Variants in ANKRD26 observed in about 807,000 individuals in gnomAD.
ANKRD26 encodes ankyrin repeat domain-containing protein 26.
ANKRD26 carries 141 observed loss-of-function variants against 208.7 expected under a neutral mutation model. The ratio of observed to expected loss-of-function variants is 0.68; its 90% CI spans 0.59 to 0.78. The LOEUF (loss-of-function observed/expected upper bound fraction) is 0.78, where lower values mean the gene tolerates loss of function less well. ANKRD26 is among the 30% of genes least tolerant of loss of function. ANKRD26 has a pLI of 0.00. For synonymous variants in ANKRD26, 636 were observed against 660.4 expected, an observed-to-expected ratio of 0.96 and a Z score of 0.57; for missense variants, 1,889 against 1,938.7, an observed-to-expected ratio of 0.97 and a Z score of 0.48.
chr10:27,017,703 T>C lies in ANKRD26; in HGVS notation c.4305A>G (p.Leu1435=), dbSNP rs975527692. The change falls in exon 30 of 34, where the codon TTA becomes TTG. Residue 1435 remains leucine (L), a synonymous_variant. Transcript: ENST00000376087. The part of the protein sequence containing the change: ...TKNQILQEEL[L]SMKTVQKKCE... ...ATTTCTTTTGTACTGTTTTCATAGATAACAACTCCTCTTGAAGAATTTGGT... is the reference window on the plus strand; with the variant it reads ...ATTTCTTTTGTACTGTTTTCATAGACAACAACTCCTCTTGAAGAATTTGGT... 2 of 1,613,124 alleles carry C rather than the reference T, an allele frequency of 1.2e-6. No homozygotes were observed. Among genetic ancestry groups the C allele is most frequent in the Non-Finnish European group, 1.7e-6 (2 of 1,179,700 alleles).
chr10:27,060,562 T>C (rs1226106508), intron 13 of ANKRD26, 22 bp from the exon 14 acceptor site: 16 of 1,460,520 alleles, frequency 1.1e-5, no homozygotes, highest in Non-Finnish European at 1.5e-5. Context: ...AAGGGACATA[T>C]AATCAATTAT....
chr10:27,067,420 A>G, intron 9 of ANKRD26, 134 bp from the exon 10 acceptor site: 1 of 1,044,336 alleles, frequency 9.6e-7, no homozygotes, highest in Non-Finnish European at 1.3e-6. Flanking sequence ...ATGGGGGCAT[A>G]GTTTTTTTTT....
At chr10:27,018,818 C>T (rs1232531010) in intron 29 of ANKRD26, among the ~76,000 whole-genome samples, 1 of 152,018 alleles carries the variant, frequency 6.6e-6, no homozygotes, top group Non-Finnish European at 1.5e-5. Flanking sequence ...CTATCGAACA[C>T]CATATACTAA....
chr10:26,955,100 G>A, the ANKRD26 span, among the ~76,000 whole-genome samples: 1 of 151,622 alleles, frequency 6.6e-6, no homozygotes, highest in Non-Finnish European at 1.5e-5. Flanking sequence ...TACTATACTT[G>A]TAATTCTATA....
At chr10:27,032,301 C>A (rs940102196) in intron 25 of ANKRD26, among the ~76,000 whole-genome samples, 1 of 151,998 alleles carries the variant, frequency 6.6e-6, no homozygotes, top group African/African-American at 2.4e-5. Context: ...GAATTCGAGA[C>A]CAGCCTGGCC....
chr10:27,083,093 A>C (rs751493269), intron 5 of ANKRD26, among the ~76,000 whole-genome samples: 25 of 152,124 alleles, frequency 1.6e-4, no homozygotes, highest in Non-Finnish European at 3.1e-4. Context: ...GCTTGTGCAC[A>C]ACCTGGAAAC....
chr10:27,029,323 C>A lies in ANKRD26; in HGVS notation c.3841G>T (p.Val1281Phe). The change falls in exon 26 of 34, where the codon GTC becomes TTC. Residue 1281 changes from valine to phenylalanine, a missense_variant. Physicochemically the swap from Val to Phe is conservative, Grantham distance 50. Around this residue, in one of 3 missense-constraint regions of ANKRD26, gnomAD observed 613 missense variants for 648.2 expected, o/e 0.95. Coordinates refer to ENST00000376087, the MANE Select transcript of ANKRD26 (RefSeq NM_014915.3). ...TCTTGCATCTTCTCAGCACATCTGA[C>A]AGCTTCTGTATGTCGATCCTGTGCT... ...QEAQDRHTEAVRCAEKMQDHK... is the reference protein window; with the variant it reads ...QEAQDRHTEAFRCAEKMQDHK... The A allele has an allele frequency of 6.2e-7, 1 of 1,612,948 alleles. No homozygotes were observed. The highest frequency in any genetic ancestry group is 1.3e-5 in the African/African-American group (1 of 75,038).
chr10:27,096,159 C>T (rs1359703837), intron 1 of ANKRD26, among the ~76,000 whole-genome samples: 1 of 152,184 alleles, frequency 6.6e-6, no homozygotes, highest in African/African-American at 2.4e-5. Context: ...ATACCTGCTT[C>T]CAGAAGTGCA....
chr10:27,066,810 A>AAT (rs1564407241), intron 10 of ANKRD26, among the ~76,000 whole-genome samples: 5 of 143,944 alleles, frequency 3.5e-5, no homozygotes, highest in African/African-American at 5.1e-5. Context: ...CTTAGAATAG[A>AAT]TTTTTTTTTT....
Position 27,060,524 on chromosome 10 carries a change from A to G in ANKRD26, c.1479T>C (p.Tyr493=). Residue 493 remains tyrosine, a synonymous_variant, in exon 14 of 34, where the codon TAT becomes TAC. Coordinates refer to ENST00000376087, the MANE Select transcript of ANKRD26 (RefSeq NM_014915.3). The stretch of plus-strand genomic sequence containing the variant: ...TAAAACTTATTACCTTCAAGTGAAG[A>G]TATCTCTCAGGAGACTCTAAAAACC... The part of the protein sequence containing the change: ...PVAHMESPER[Y]LHLKPTIEMK... The G allele has an allele frequency of 6.5e-7, 1 of 1,545,218 alleles. No homozygotes were observed. Among genetic ancestry groups the G allele is most frequent in the Non-Finnish European group, 8.9e-7 (1 of 1,120,946 alleles).
intron 11 of ANKRD26, 89 bp downstream of exon 11, chr10:27,066,389 TATGCAGAGG>T: frequency 1.2e-6 from 1 of 803,350 alleles, no homozygotes; most frequent in Non-Finnish European, 2.0e-6. Context: ...CTTATGGATG[TATGCAGAGG>T]TAAAAAAGTC....
chr10:27,078,937 A>T, intron 7 of ANKRD26, 152 bp downstream of exon 7: 1 of 521,894 alleles, frequency 1.9e-6, no homozygotes, highest in South Asian at 3.2e-5. Context: ...AAAGAATTCA[A>T]CTGGCCATAT....
intron 20 of ANKRD26, among the ~76,000 whole-genome samples, chr10:27,040,592 T>C (rs1443501409): frequency 6.6e-6 from 1 of 152,156 alleles, no homozygotes; most frequent in Non-Finnish European, 1.5e-5. Flanking sequence ...CAGCGTGTGC[T>C]GAGGCTCTAC....
intron 23 of ANKRD26, among the ~76,000 whole-genome samples, chr10:27,036,632 CTTATCACTAAA>C (rs2054054538): frequency 6.6e-6 from 1 of 152,058 alleles, no homozygotes. Flanking sequence ...GAACAAAATA[CTTATCACTAAA>C]TTATCACTAA....
In ANKRD26 at chr10:27,078,976, T is replaced by C. The variant is rs931111019; in HGVS notation, c.813+113A>G. On this transcript the variant is annotated intron_variant, in intron 7 of 33. Transcript: ENST00000376087. Reference sequence around the variant, plus strand: ...TATAAAATGGCTTCCCCTGACCACCTTTCCATTACAAACAGAAAACAATGA... The same window carrying C: ...TATAAAATGGCTTCCCCTGACCACCCTTCCATTACAAACAGAAAACAATGA... The C allele has an allele frequency of 1.2e-5, 10 of 806,130 alleles. No homozygotes were observed. The South Asian group carries it at 1.7e-4, about 14-fold the overall frequency. 49.9% of individuals were successfully genotyped at this position (806,130 alleles called of 1,614,324 possible). A position where few individuals can be genotyped will look rare whatever the true frequency, so the allele number is the denominator to read the frequency against.
chr10:27,091,448 T>C (rs1295679952), intron 4 of ANKRD26, among the ~76,000 whole-genome samples: 4 of 151,608 alleles, frequency 2.6e-5, no homozygotes, highest in Admixed American at 6.6e-5. Flanking sequence ...CAATTAAAAA[T>C]AAAAACATCA....
At chr10:27,042,798 C>CAAAAAAAAAAAAAAAAAAAAAAA (rs60850386) in intron 20 of ANKRD26, among the ~76,000 whole-genome samples, 17 of 48,876 alleles carry the variant, frequency 3.5e-4, no homozygotes, top group Non-Finnish European at 5.7e-4. Flanking sequence ...CAAAAAAATA[C>CAAAAAAAAAAAAAAAAAAAAAAA]AAAAAAAAAA....
At chr10:26,951,013 CTTTTTCT>C in the ANKRD26 span, among the ~76,000 whole-genome samples, 256 of 100,932 alleles carry the variant, frequency 2.5e-3, 6 homozygotes, top group African/African-American at 0.013. Context: ...CTTTTCTTTT[CTTTTTCT>C]TTTTTTTTTT....
At chr10:27,016,985 C>A (rs757722455) in intron 30 of ANKRD26, among the ~76,000 whole-genome samples, 26 of 152,126 alleles carry the variant, frequency 1.7e-4, no homozygotes, top group Admixed American at 1.2e-3. Flanking sequence ...GCCAAGAGTT[C>A]GAGACCAGCC....
Sources: gnomAD v4.1 joint callset for allele counts (sites outside exome capture counted in the v4.1 genomes callset) on GRCh38, gnomAD v4.1.1 for gene constraint, gnomAD v4.1.1 regional missense constraint, MANE v1.5 for transcripts, NCBI Gene and HGNC (gene_info 2026-07-23, HGNC 2026-07-21) for gene names.